The following TENM3 variants were observed in gnomAD, a reference collection of about 807,000 sequenced individuals.
TENM3 encodes the protein teneurin transmembrane protein 3, also known as teneurin-3.
Under a neutral mutation model 255.1 loss-of-function variants are expected in TENM3, and 63 were observed. The observed-to-expected ratio is 0.25, with a 90% CI of 0.20 to 0.30. The LOEUF (loss-of-function observed/expected upper bound fraction) is 0.30. Ranked by LOEUF, TENM3 falls within the 10% of genes least tolerant of loss-of-function variation. TENM3 has a pLI of 1.00. For missense variants in TENM3, 2,929 were observed against 3,461.1 expected (o/e 0.85, Z 3.86); for synonymous variants, 1,306 against 1,322.3 (o/e 0.99, Z 0.27).
chr4:182,262,720 C>CTTTT (rs535703415), intron 1 of TENM3, among the ~76,000 whole-genome samples: 5 of 133,270 alleles, frequency 3.8e-5, no homozygotes, highest in South Asian at 2.4e-4. Flanking sequence ...CCTTTACTTT[C>CTTTT]TTTTTTTTTT....
At chr4:181,882,381 G>A in the TENM3 span, among the ~76,000 whole-genome samples, 1 of 152,180 alleles carries the variant, frequency 6.6e-6, no homozygotes, top group Admixed American at 6.5e-5. Flanking sequence ...TGAAAGGAGT[G>A]AGCCTTTATT....
At chr4:182,295,261 CTTTTTTTTTTTTTT>C (rs752005972) in intron 1 of TENM3, among the ~76,000 whole-genome samples, 1 of 70,442 alleles carries the variant, frequency 1.4e-5, no homozygotes, top group East Asian at 3.8e-4. Flanking sequence ...CTTTGCTTTT[CTTTTTTTTTTTTTT>C]TTTTTTTTTT....
At chr4:182,607,838 G>A (rs892248829) in intron 4 of TENM3, among the ~76,000 whole-genome samples, 2 of 152,160 alleles carry the variant, frequency 1.3e-5, no homozygotes. Context: ...TATATAAAAT[G>A]TTCACACATG....
intron 23 of TENM3, 40 bp from the exon 24 acceptor site, chr4:182,774,878 C>A: frequency 7.0e-7 from 1 of 1,434,732 alleles, no homozygotes; most frequent in Non-Finnish European, 9.7e-7. Context: ...GTATTTAATC[C>A]ATATCTAATA....
In TENM3 at chr4:182,743,266, C is replaced by T. The variant is rs1561188912; in HGVS notation, c.3476C>T (p.Ser1159Phe). The T allele has an allele frequency of 1.2e-6, 2 of 1,614,040 alleles. No individual in the cohort carries two copies. Among genetic ancestry groups the T allele is most frequent in the Non-Finnish European group, 8.5e-7 (1 of 1,179,890 alleles). Reference sequence around the variant, plus strand: ...GGCAATGGGCGAAGGCGCAGCATTTCCTGCCCCAGTTGCAATGGTCAAGCT... The same window carrying T: ...GGCAATGGGCGAAGGCGCAGCATTTTCTGCCCCAGTTGCAATGGTCAAGCT... ...IMGNGRRRSI[S>F]CPSCNGQADG... Residue 1159 changes from serine to phenylalanine, a missense_variant, in exon 19 of 28, where the codon TCC becomes TTC. Physicochemically the swap from Ser to Phe is radical, Grantham distance 155. Around this residue, in one of 6 missense-constraint regions of TENM3, gnomAD observed 1,608 missense variants for 1,884.4 expected, o/e 0.85. Transcript: ENST00000511685.
chr4:182,194,471 G>A (rs1024667707), intron 1 of TENM3, among the ~76,000 whole-genome samples: 12 of 152,048 alleles, frequency 7.9e-5, no homozygotes, highest in Admixed American at 4.6e-4. Context: ...TCACCAGCAC[G>A]CTTTTAGTTT....
chr4:181,896,097 TC>T, the TENM3 span, among the ~76,000 whole-genome samples: 1 of 152,164 alleles, frequency 6.6e-6, no homozygotes, highest in African/African-American at 2.4e-5. Context: ...TAGGCTTTCC[TC>T]CCCACTCCAC....
intron 1 of TENM3, among the ~76,000 whole-genome samples, chr4:182,211,476 T>G (rs1044324265): frequency 4.6e-5 from 7 of 152,236 alleles, no homozygotes; most frequent in African/African-American, 1.2e-4. Context: ...GAAATGTGTC[T>G]AAAACATAGG....
At chr4:182,388,300 C>G (rs1180517173) in intron 3 of TENM3, among the ~76,000 whole-genome samples, 1 of 152,106 alleles carries the variant, frequency 6.6e-6, no homozygotes, top group Non-Finnish European at 1.5e-5. Flanking sequence ...ACTTCTTCAG[C>G]CTGCTTCTAT....
chr4:181,609,576 T>C, the TENM3 span, among the ~76,000 whole-genome samples: 1 of 152,256 alleles, frequency 6.6e-6, no homozygotes, highest in South Asian at 2.1e-4. Context: ...GTGACCATTA[T>C]ATTTGTCTGC....
intron 3 of TENM3, among the ~76,000 whole-genome samples, chr4:182,406,293 A>C (rs1166702416): frequency 6.6e-6 from 1 of 152,088 alleles, no homozygotes; most frequent in Non-Finnish European, 1.5e-5. Context: ...CCACAGAGCG[A>C]GACTCCATCA....
intron 1 of TENM3, among the ~76,000 whole-genome samples, chr4:182,196,270 C>T (rs1025926208): frequency 1.3e-5 from 2 of 151,980 alleles, no homozygotes; most frequent in Non-Finnish European, 2.9e-5. Flanking sequence ...CTTTTTGGAC[C>T]GAGTTGCTAA....
chr4:181,949,770 C>A, the TENM3 span, among the ~76,000 whole-genome samples: 1 of 152,106 alleles, frequency 6.6e-6, no homozygotes, highest in African/African-American at 2.4e-5. Flanking sequence ...GAGTTCACAC[C>A]CTCCACGTTC....
intron 1 of TENM3, among the ~76,000 whole-genome samples, chr4:182,317,852 T>C (rs1516539): frequency 0.02 from 3,121 of 152,286 alleles, 52 homozygotes; most frequent in South Asian, 0.05. Flanking sequence ...AGCTATTCAA[T>C]AAAGGAAATG....
At chr4:181,546,308 G>A in the TENM3 span, among the ~76,000 whole-genome samples, 1 of 152,176 alleles carries the variant, frequency 6.6e-6, no homozygotes, top group Non-Finnish European at 1.5e-5. Context: ...TGAGAAACTC[G>A]TGCTCACAGT....
intron 4 of TENM3, 101 bp from the exon 5 acceptor site, chr4:182,628,550 A>G (rs891352525): frequency 2.8e-6 from 2 of 720,158 alleles, no homozygotes; most frequent in African/African-American, 3.6e-5. Flanking sequence ...TAAAAAAGAG[A>G]GAGAGAGCAA....
intron 16 of TENM3, among the ~76,000 whole-genome samples, chr4:182,731,810 C>T (rs565355321): frequency 2.1e-5 from 3 of 145,888 alleles, no homozygotes; most frequent in South Asian, 4.4e-4. Context: ...GAGACGGAGT[C>T]TCGCTCTGTC....
At chr4:182,715,920 A>G (rs1048995109) in intron 13 of TENM3, among the ~76,000 whole-genome samples, 1 of 152,168 alleles carries the variant, frequency 6.6e-6, no homozygotes, top group African/African-American at 2.4e-5. Flanking sequence ...CAGTCAAGAA[A>G]CTTGAGCCAC....
At chr4:182,401,028 C>T (rs138507321) in intron 3 of TENM3, among the ~76,000 whole-genome samples, 110 of 152,248 alleles carry the variant, frequency 7.2e-4, no homozygotes, top group Middle Eastern at 3.4e-3. Flanking sequence ...ATGGCTGTAG[C>T]GATGGAGAGA....
Sources: gnomAD v4.1 joint callset for allele counts (sites outside exome capture counted in the v4.1 genomes callset) on GRCh38, gnomAD v4.1.1 for gene constraint, gnomAD v4.1.1 regional missense constraint, MANE v1.5 for transcripts, NCBI Gene and HGNC (gene_info 2026-07-23, HGNC 2026-07-21) for gene names.